The following ADAM12 variants were observed in gnomAD, a reference collection of about 807,000 sequenced individuals.
ADAM12 encodes ADAM metallopeptidase domain 12, also known as disintegrin and metalloproteinase domain-containing protein 12.
Under a neutral mutation model 106.4 loss-of-function variants are expected in ADAM12, and 70 were observed. The observed-to-expected ratio is 0.66, with a 90% CI of 0.54 to 0.80. The LOEUF (loss-of-function observed/expected upper bound fraction) is 0.80. Among genes scored for constraint, ADAM12 ranks in the 30% least tolerant of loss-of-function variants. ADAM12 has a pLI of 0.00. For synonymous variants in ADAM12, 420 were observed against 433.5 expected (o/e 0.97, Z 0.39); for missense variants, 1,010 against 1,171.9 (o/e 0.86, Z 2.02).
intron 6 of ADAM12, among the ~76,000 whole-genome samples, chr10:126,111,574 C>A (rs113590281): frequency 0.021 from 3,146 of 152,264 alleles, 45 homozygotes; most frequent in Non-Finnish European, 0.032. Flanking sequence ...GTTGTTTAGA[C>A]GTTTACACTT....
chr10:126,264,358 G>C (rs190288704), intron 3 of ADAM12, among the ~76,000 whole-genome samples: 1 of 152,202 alleles, frequency 6.6e-6, no homozygotes, highest in Non-Finnish European at 1.5e-5. Context: ...TAGAAGGGCT[G>C]TGAAAATAAC....
At chr10:126,161,017 C>A (rs1215117470) in intron 3 of ADAM12, among the ~76,000 whole-genome samples, 1 of 152,214 alleles carries the variant, frequency 6.6e-6, no homozygotes, top group Non-Finnish European at 1.5e-5. Flanking sequence ...GATCTCTTAT[C>A]TAAAGCAGCC....
chr10:126,322,539 G>A (rs1854137171), intron 2 of ADAM12, among the ~76,000 whole-genome samples: 1 of 152,170 alleles, frequency 6.6e-6, no homozygotes, highest in Admixed American at 6.5e-5. Flanking sequence ...CCAGGCCAGT[G>A]CCCTCCCCCC....
At chr10:126,289,282 A>C (rs2133775416) in intron 2 of ADAM12, among the ~76,000 whole-genome samples, 1 of 152,370 alleles carries the variant, frequency 6.6e-6, no homozygotes, top group African/African-American at 2.4e-5. Context: ...ACTTCCAGGC[A>C]TCTCTGCCAG....
intron 1 of ADAM12, among the ~76,000 whole-genome samples, chr10:126,339,612 C>A (rs1027235301): frequency 6.6e-6 from 1 of 152,154 alleles, no homozygotes; most frequent in Admixed American, 6.5e-5. Context: ...CAAGAGCAAA[C>A]ATCTATGACA....
chr10:126,039,314 C>T lies in ADAM12; in HGVS notation c.2220G>A (p.Lys740=). The T allele has an allele frequency of 6.2e-7, 1 of 1,613,852 alleles. No homozygotes were observed. The highest frequency in any genetic ancestry group is 8.5e-7 in the Non-Finnish European group (1 of 1,179,872). The change falls in exon 19 of 23, where the codon AAG becomes AAA. Residue 740 remains lysine (K), a synonymous_variant. Transcript: ENST00000448723. ...TLIRLLFTNK[K]TTIEKLRCVR... ...GGTACCTTAGTTTTTCAATGGTGGT[C>T]TTCTTATTTGTAAACAGCAGTCGTA...
At chr10:126,169,993 G>T (rs559565360) in intron 3 of ADAM12, among the ~76,000 whole-genome samples, 4 of 151,966 alleles carry the variant, frequency 2.6e-5, no homozygotes, top group Admixed American at 2.6e-4. Context: ...CCTTGTAAGT[G>T]GTTTCACAGA....
intron 4 of ADAM12, among the ~76,000 whole-genome samples, chr10:126,137,981 T>C (rs910210478): frequency 6.6e-6 from 1 of 152,216 alleles, no homozygotes; most frequent in Non-Finnish European, 1.5e-5. Context: ...CCAAACTGTT[T>C]TGCCAAGCAG....
At chr10:126,079,073 C>G (rs1026494502) in intron 11 of ADAM12, among the ~76,000 whole-genome samples, 1 of 152,164 alleles carries the variant, frequency 6.6e-6, no homozygotes, top group Non-Finnish European at 1.5e-5. Context: ...CATTCTCAAG[C>G]CCCACTCAGA....
At chr10:126,375,429 T>TA (rs1301762388) in intron 1 of ADAM12, among the ~76,000 whole-genome samples, 3 of 152,002 alleles carry the variant, frequency 2.0e-5, no homozygotes, top group Non-Finnish European at 4.4e-5. Context: ...TAGACAATAA[T>TA]AAAAAAACAG....
At chr10:126,033,758 G>C (rs1272286709) in intron 21 of ADAM12, among the ~76,000 whole-genome samples, 3 of 152,116 alleles carry the variant, frequency 2.0e-5, no homozygotes, top group African/African-American at 7.2e-5. Context: ...AGAGACTATG[G>C]GTAGAACTTT....
At chr10:126,220,689 T>C (rs1330358960) in intron 3 of ADAM12, among the ~76,000 whole-genome samples, 2 of 152,246 alleles carry the variant, frequency 1.3e-5, no homozygotes, top group Non-Finnish European at 2.9e-5. Context: ...ATGCTAATGA[T>C]GGGTTCCAAA....
intron 3 of ADAM12, among the ~76,000 whole-genome samples, chr10:126,269,367 T>C (rs770387651): frequency 3.9e-5 from 6 of 152,230 alleles, no homozygotes; most frequent in Admixed American, 6.5e-5. Flanking sequence ...CTATTCAAGA[T>C]GGAGTTGCTC....
rs565289329 is a variant in ADAM12, at chr10:126,042,988, C to G, written c.2104+52G>C. The stretch of plus-strand genomic sequence containing the variant: ...CCATGCTGACAGCTGGCGAGCCCAC[C>G]CGCCCCCAGGTGCTCAGCCTCCTCC... On this transcript the variant is annotated intron_variant, in intron 18 of 22. Transcript: ENST00000448723. 103 of 1,562,098 alleles carry G rather than the reference C, an allele frequency of 6.6e-5. No individual in the cohort carries two copies. The African/African-American group carries it at 1.1e-3, about 17-fold the overall frequency.
chr10:126,227,045 A>G (rs1565151562), intron 3 of ADAM12, among the ~76,000 whole-genome samples: 1 of 152,168 alleles, frequency 6.6e-6, no homozygotes, highest in Non-Finnish European at 1.5e-5. Context: ...TACCACCAGC[A>G]TTACCACCAT....
chr10:126,246,024 A>T (rs1207081245), intron 3 of ADAM12, among the ~76,000 whole-genome samples: 1 of 152,150 alleles, frequency 6.6e-6, no homozygotes, highest in Non-Finnish European at 1.5e-5. Flanking sequence ...AAAATGGTGG[A>T]GACATCAGAG....
chr10:126,068,902 A>G (rs1954927754), intron 12 of ADAM12, among the ~76,000 whole-genome samples: 2 of 152,218 alleles, frequency 1.3e-5, no homozygotes, highest in South Asian at 4.1e-4. Context: ...ATGAACTGGG[A>G]GAAGACTAGA....
In ADAM12 at chr10:126,039,449, G is replaced by T. The variant is rs1333999114; in HGVS notation, c.2105-20C>A. 6.2e-7 allele frequency: 1 copy of T among 1,613,576 alleles called. No homozygotes were observed. The highest frequency in any genetic ancestry group is 8.5e-7 in the Non-Finnish European group (1 of 1,179,706). ...GGTTATCTGAAACAAAACACATGGGGCTCACAGAAGGAGGCAGTTACAATG... is the reference window on the plus strand; with the variant it reads ...GGTTATCTGAAACAAAACACATGGGTCTCACAGAAGGAGGCAGTTACAATG... On this transcript the variant is annotated intron_variant, in intron 18 of 22. Transcript: ENST00000448723.
chr10:126,125,524 T>C (rs1368687505), intron 5 of ADAM12, among the ~76,000 whole-genome samples: 2 of 152,122 alleles, frequency 1.3e-5, no homozygotes, highest in East Asian at 3.9e-4. Context: ...ATTACAGGCA[T>C]GAGCCACTGT....
Sources: gnomAD v4.1 joint callset for allele counts (sites outside exome capture counted in the v4.1 genomes callset) on GRCh38, gnomAD v4.1.1 for gene constraint, MANE v1.5 for transcripts, NCBI Gene and HGNC (gene_info 2026-07-23, HGNC 2026-07-21) for gene names.